Variants in GRM8 observed in about 807,000 individuals in gnomAD.
The protein encoded by GRM8 is glutamate metabotropic receptor 8, also known as metabotropic glutamate receptor 8.
In GRM8, 47 loss-of-function variants were observed where a neutral mutation model predicts 87.2. That is an observed-to-expected ratio of 0.54 (90% confidence interval 0.43 to 0.69). The LOEUF is 0.69. GRM8 is among the 30% of genes least tolerant of loss of function. The probability of loss-of-function intolerance (pLI) is 0.00; values close to 1 mark genes in which losing one functional copy is unlikely to be tolerated. For missense variants in GRM8, 1,019 were observed against 1,139.2 expected, an observed-to-expected ratio of 0.89 and a Z score of 1.52; for synonymous variants, 396 against 404.5, an observed-to-expected ratio of 0.98 and a Z score of 0.25.
chr7:127,102,335 G>T (rs1193428765), intron 3 of GRM8, among the ~76,000 whole-genome samples: 5 of 152,224 alleles, frequency 3.3e-5, no homozygotes, highest in African/African-American at 1.2e-4. Context: ...CCACTTGCTA[G>T]AGATATTTGC....
At chr7:127,030,311 C>CGGAGAAGA (rs376720392) in intron 3 of GRM8, among the ~76,000 whole-genome samples, 41,436 of 152,002 alleles carry the variant, frequency 0.27, 6,295 homozygotes, top group African/African-American at 0.41. Context: ...TCACCCCTCC[C>CGGAGAAGA]AGTCTTCTTA....
intron 6 of GRM8, among the ~76,000 whole-genome samples, chr7:126,798,089 T>G (rs765998994): frequency 1.3e-5 from 2 of 152,124 alleles, no homozygotes; most frequent in Non-Finnish European, 2.9e-5. Flanking sequence ...CTCAGAATTC[T>G]TTCCCATATT....
chr7:126,459,052 G>A (rs542422952), intron 9 of GRM8, among the ~76,000 whole-genome samples: 4 of 150,468 alleles, frequency 2.7e-5, no homozygotes, highest in African/African-American at 9.7e-5. Context: ...GAAAGTATTT[G>A]ATATAAAAGA....
intron 6 of GRM8, among the ~76,000 whole-genome samples, chr7:126,798,749 C>T (rs1181116853): frequency 4.6e-5 from 7 of 152,106 alleles, no homozygotes; most frequent in African/African-American, 1.4e-4. Context: ...ACTTGCTGCT[C>T]CTGACACATC....
chr7:127,122,824 T>C (rs1587079933), intron 2 of GRM8, among the ~76,000 whole-genome samples: 1 of 152,000 alleles, frequency 6.6e-6, no homozygotes, highest in East Asian at 1.9e-4. Flanking sequence ...ATTCAACACG[T>C]CACCAAAAGA....
chr7:126,849,339 A>G (rs2130699564), intron 6 of GRM8, among the ~76,000 whole-genome samples: 1 of 152,312 alleles, frequency 6.6e-6, no homozygotes, highest in Admixed American at 6.5e-5. Context: ...GGATTGAATG[A>G]TGTCTCAAAG....
chr7:127,061,617 C>G (rs549790066), intron 3 of GRM8, among the ~76,000 whole-genome samples: 9 of 152,276 alleles, frequency 5.9e-5, no homozygotes, highest in Admixed American at 2.6e-4. Context: ...CACCCTTCCT[C>G]CCCCTGCTGA....
At chr7:126,823,768 G>A (rs1307028600) in intron 6 of GRM8, among the ~76,000 whole-genome samples, 2 of 152,062 alleles carry the variant, frequency 1.3e-5, no homozygotes, top group Non-Finnish European at 1.5e-5. Flanking sequence ...CATTTCAAGG[G>A]CTCAGTAGGC....
intron 8 of GRM8, among the ~76,000 whole-genome samples, chr7:126,601,357 GTCTT>G (rs1179877007): frequency 6.6e-6 from 1 of 152,080 alleles, no homozygotes; most frequent in African/African-American, 2.4e-5. Flanking sequence ...TTGGTTCCAA[GTCTT>G]TGCTATGGTG....
chr7:126,831,849 C>G (rs935825528), intron 6 of GRM8, among the ~76,000 whole-genome samples: 1 of 152,150 alleles, frequency 6.6e-6, no homozygotes, highest in African/African-American at 2.4e-5. Context: ...AACTGAAACT[C>G]TTATAGGCAA....
intron 3 of GRM8, among the ~76,000 whole-genome samples, chr7:126,938,607 A>G (rs1009110825): frequency 2.0e-5 from 3 of 152,248 alleles, no homozygotes; most frequent in African/African-American, 7.2e-5. Context: ...TCACCAAAGC[A>G]TAGCTAAGAA....
At chr7:126,770,864 T>C (rs965477374) in intron 6 of GRM8, among the ~76,000 whole-genome samples, 1 of 152,038 alleles carries the variant, frequency 6.6e-6, no homozygotes, top group Non-Finnish European at 1.5e-5. Flanking sequence ...TATAATTACA[T>C]GGGGTACATG....
chr7:126,447,350 A>G (rs893252161), intron 9 of GRM8, among the ~76,000 whole-genome samples: 8 of 151,894 alleles, frequency 5.3e-5, no homozygotes, highest in African/African-American at 1.9e-4. Context: ...ATTTTCCCCA[A>G]ATAACTTGGG....
intron 6 of GRM8, among the ~76,000 whole-genome samples, chr7:126,816,866 G>A (rs1190717878): frequency 6.6e-6 from 1 of 151,766 alleles, no homozygotes; most frequent in South Asian, 2.1e-4. Context: ...ATCAACTCAT[G>A]GGCAATCTTT....
At chr7:126,619,085 T>G (rs1799830910) in intron 7 of GRM8, among the ~76,000 whole-genome samples, 1 of 152,214 alleles carries the variant, frequency 6.6e-6, no homozygotes. Flanking sequence ...GTATGTTTAT[T>G]GCGGCACTAT....
At chr7:126,509,359 T>C (rs1810984121) in intron 9 of GRM8, among the ~76,000 whole-genome samples, 1 of 152,044 alleles carries the variant, frequency 6.6e-6, no homozygotes, top group Admixed American at 6.6e-5. Flanking sequence ...GTCATTATTT[T>C]TGAGATTCAG....
intron 7 of GRM8, among the ~76,000 whole-genome samples, chr7:126,670,402 G>A (rs986809351): frequency 4.6e-5 from 7 of 152,044 alleles, no homozygotes; most frequent in Non-Finnish European, 8.8e-5. Flanking sequence ...AATTGTATGG[G>A]ATTTCTAAAA....
chr7:127,069,121 G>A (rs938424691), intron 3 of GRM8, among the ~76,000 whole-genome samples: 1 of 152,012 alleles, frequency 6.6e-6, no homozygotes, highest in African/African-American at 2.4e-5. Context: ...CTTTCCACAG[G>A]CAGCCAGTAC....
intron 3 of GRM8, among the ~76,000 whole-genome samples, chr7:126,940,807 G>A (rs1042465180): frequency 2.0e-5 from 3 of 152,098 alleles, no homozygotes; most frequent in Admixed American, 6.5e-5. Context: ...TTTTGGATTT[G>A]TCCAGCTGGA....
Sources: allele counts gnomAD v4.1 joint callset (sites outside exome capture counted in the v4.1 genomes callset), GRCh38; gene constraint gnomAD v4.1.1; transcripts MANE v1.5; gene names NCBI Gene and HGNC (gene_info 2026-07-23, HGNC 2026-07-21).